CCDC178: variants seen among roughly 807,000 people sequenced by gnomAD.
CCDC178 encodes coiled-coil domain containing 178.
A neutral mutation model predicts 117.4 loss-of-function variants in CCDC178; 126 were observed. That is an observed-to-expected ratio of 1.07 (90% confidence interval 0.93 to 1.24). CCDC178 has a LOEUF of 1.24. Among genes scored for constraint, CCDC178 ranks in the 50% most tolerant of loss-of-function variants. CCDC178 has a pLI of 0.00. For missense variants in CCDC178, 1,030 were observed against 986.9 expected, an observed-to-expected ratio of 1.04 and a Z score of -0.59; for synonymous variants, 283 against 313.4, an observed-to-expected ratio of 0.90 and a Z score of 1.02.
intron 7 of CCDC178, among the ~76,000 whole-genome samples, chr18:33,350,078 A>G (rs2062953438): frequency 6.6e-6 from 1 of 151,970 alleles, no homozygotes; most frequent in Admixed American, 6.6e-5. Context: ...GTTGAAAAGT[A>G]TATTTTTTCT....
At chr18:33,214,625 C>T (rs1385556933) in intron 19 of CCDC178, among the ~76,000 whole-genome samples, 1 of 151,984 alleles carries the variant, frequency 6.6e-6, no homozygotes, top group Non-Finnish European at 1.5e-5. Context: ...GGATAAATAT[C>T]TTTAAAAGTA....
chr18:33,279,877 A>G (rs376696326), intron 12 of CCDC178, among the ~76,000 whole-genome samples: 12 of 152,038 alleles, frequency 7.9e-5, no homozygotes, highest in Non-Finnish European at 1.5e-4. Context: ...AATAAATGGT[A>G]CTGGGAAAAC....
At chr18:33,249,417 T>C (rs916511743) in intron 14 of CCDC178, among the ~76,000 whole-genome samples, 4 of 152,150 alleles carry the variant, frequency 2.6e-5, no homozygotes, top group African/African-American at 9.7e-5. Context: ...CATTTAAGTC[T>C]TTAATCCATC....
intron 21 of CCDC178, among the ~76,000 whole-genome samples, chr18:33,092,130 A>T (rs913260057): frequency 1.1e-4 from 17 of 152,148 alleles, no homozygotes; most frequent in Non-Finnish European, 2.1e-4. Context: ...ACAAATATTT[A>T]AGGAAAATAT....
At chr18:33,048,456 T>C (rs949782748) in intron 21 of CCDC178, among the ~76,000 whole-genome samples, 1 of 152,210 alleles carries the variant, frequency 6.6e-6, no homozygotes, top group Admixed American at 6.5e-5. Flanking sequence ...CTTTCCATTA[T>C]GAAATAGAGT....
At chr18:33,238,550 A>T (rs557703622) in intron 15 of CCDC178, among the ~76,000 whole-genome samples, 3 of 152,152 alleles carry the variant, frequency 2.0e-5, no homozygotes, top group Non-Finnish European at 4.4e-5. Flanking sequence ...CTAGTACAAG[A>T]AGAAGGCAGA....
intron 10 of CCDC178, among the ~76,000 whole-genome samples, chr18:33,331,823 T>C (rs901971401): frequency 2.0e-5 from 3 of 152,144 alleles, no homozygotes; most frequent in East Asian, 3.9e-4. Flanking sequence ...TCTAATAAAA[T>C]AGTAAATGTG....
chr18:33,185,928 C>T (rs2058788148), intron 20 of CCDC178, among the ~76,000 whole-genome samples: 1 of 151,862 alleles, frequency 6.6e-6, no homozygotes, highest in South Asian at 2.1e-4. Context: ...AAAAAAAAAC[C>T]ACTACACTAC....
At chr18:32,986,513 A>G (rs140797183) in intron 21 of CCDC178, among the ~76,000 whole-genome samples, 203 of 152,276 alleles carry the variant, frequency 1.3e-3, no homozygotes, top group African/African-American at 4.7e-3. Context: ...TCGCAGGAAC[A>G]AACAAAAACT....
intron 15 of CCDC178, among the ~76,000 whole-genome samples, chr18:33,232,467 T>C (rs1466306634): frequency 2.0e-5 from 3 of 152,196 alleles, no homozygotes; most frequent in Admixed American, 6.5e-5. Context: ...GAAAGGAAGA[T>C]GGATACTCTA....
chr18:33,297,418 A>G (rs1359784340), intron 11 of CCDC178, among the ~76,000 whole-genome samples: 1 of 152,134 alleles, frequency 6.6e-6, no homozygotes, highest in Non-Finnish European at 1.5e-5. Context: ...AAACAAACGG[A>G]CAAATCATTA....
At chr18:32,980,789 T>C (rs1349546993) in intron 21 of CCDC178, among the ~76,000 whole-genome samples, 3 of 152,166 alleles carry the variant, frequency 2.0e-5, no homozygotes, top group Admixed American at 6.5e-5. Context: ...AATCTGTCAA[T>C]ATCAAATTTT....
intron 15 of CCDC178, among the ~76,000 whole-genome samples, chr18:33,235,692 A>G (rs1455102693): frequency 6.6e-6 from 1 of 152,118 alleles, no homozygotes; most frequent in Non-Finnish European, 1.5e-5. Context: ...ACCCTTCGAG[A>G]TTATGCAGCT....
At chr18:33,235,884 A>C (rs1448828894) in intron 15 of CCDC178, among the ~76,000 whole-genome samples, 1 of 152,178 alleles carries the variant, frequency 6.6e-6, no homozygotes, top group South Asian at 2.1e-4. Flanking sequence ...CCAATTGGCT[A>C]ATTTTATTCT....
intron 20 of CCDC178, among the ~76,000 whole-genome samples, chr18:33,200,412 G>A (rs1738613381): frequency 6.6e-6 from 1 of 152,196 alleles, no homozygotes; most frequent in Non-Finnish European, 1.5e-5. Context: ...TTAGTGCGAT[G>A]TTTTTCAGCT....
chr18:33,352,033 G>A (rs1031955728), intron 7 of CCDC178, among the ~76,000 whole-genome samples: 6 of 152,154 alleles, frequency 3.9e-5, no homozygotes, highest in Admixed American at 1.3e-4. Context: ...GAATTTACCA[G>A]TGGAGCCATC....
At chr18:33,402,863 G>C (rs746943511) in intron 3 of CCDC178, among the ~76,000 whole-genome samples, 29 of 152,134 alleles carry the variant, frequency 1.9e-4, no homozygotes, top group Non-Finnish European at 3.1e-4. Flanking sequence ...GCCATGCCTG[G>C]CTTCAAGGAA....
intron 15 of CCDC178, among the ~76,000 whole-genome samples, chr18:33,238,636 G>C (rs2059452743): frequency 6.6e-6 from 1 of 151,870 alleles, no homozygotes; most frequent in African/African-American, 2.4e-5. Context: ...ACCATTAATG[G>C]GACAGCATAA....
At chr18:33,205,247 T>C (rs2059034157) in intron 20 of CCDC178, among the ~76,000 whole-genome samples, 1 of 152,014 alleles carries the variant, frequency 6.6e-6, no homozygotes, top group African/African-American at 2.4e-5. Flanking sequence ...AATGAATCAC[T>C]AAATAAGAGT....
Sources: gnomAD v4.1 joint callset for allele counts (sites outside exome capture counted in the v4.1 genomes callset) on GRCh38, gnomAD v4.1.1 for gene constraint, MANE v1.5 for transcripts, NCBI Gene and HGNC (gene_info 2026-07-23, HGNC 2026-07-21) for gene names.